ASTL: variants seen among roughly 807,000 people sequenced by gnomAD.
ASTL encodes astacin like metalloendopeptidase, also known as astacin-like metalloendopeptidase.
In ASTL, 27 loss-of-function variants were observed where a neutral mutation model predicts 36.7. The ratio of observed to expected loss-of-function variants is 0.73; its 90% CI spans 0.54 to 1.01. The LOEUF is 1.01. Among genes scored for constraint, ASTL ranks in the 50% least tolerant of loss-of-function variants. ASTL has a pLI of 0.00. For missense variants in ASTL, 524 were observed against 572.8 expected (o/e 0.91, Z 0.87); for synonymous variants, 222 against 228.1 (o/e 0.97, Z 0.24).
rs1682011753 is a variant in ASTL, at chr2:96,124,027, C to T, written c.1119G>A (p.Arg373=). 1.2e-6 allele frequency: 2 copies of T among 1,614,010 alleles called. No homozygotes were observed. Among genetic ancestry groups the T allele is most frequent in the Non-Finnish European group, 1.7e-6 (2 of 1,179,968 alleles). The change falls in exon 9 of 9, where the codon AGG becomes AGA. Residue 373 remains arginine, a synonymous_variant. Coordinates refer to ENST00000342380, the MANE Select transcript of ASTL (RefSeq NM_001002036.4). This position sits in a 1 kb window ranked among gnomAD's most constrained non-coding sequence, Gnocchi z 4.1. ...CAACACCGGGGGCACCTGCTCCAGG[C>T]CTTGATCTTGGGGAGGAAGCTAGGG... is the stretch of plus-strand genomic sequence containing the variant. The part of the protein sequence containing the change: ...PQTLASSPRS[R]PGAGAPGVAQ...
intron 8 of ASTL, among the ~76,000 whole-genome samples, chr2:96,125,261 A>G (rs1415328808): frequency 6.6e-6 from 1 of 152,012 alleles, no homozygotes; most frequent in African/African-American, 2.4e-5. Flanking sequence ...CACCTCTACC[A>G]GGTGTCTCCT....
At position 96,132,754 on chromosome 2, in the gene ASTL, C is replaced by T; in HGVS notation, c.456-33G>A. On this transcript the variant is annotated intron_variant, in intron 5 of 8. Transcript: ENST00000342380. This position sits in a 1 kb window ranked among gnomAD's most constrained non-coding sequence, Gnocchi z 5.4. ...GTGATGAGAGCAAGTGGGGTAAGTG[C>T]CAGCCCAGATCCCTCCGGACATACA... 1 of 1,586,206 alleles carries T rather than the reference C, an allele frequency of 6.3e-7. No individual in the cohort carries two copies. Among genetic ancestry groups the T allele is most frequent in the Non-Finnish European group, 8.6e-7 (1 of 1,159,854 alleles).
At position 96,133,982 on chromosome 2, in the gene ASTL, A is replaced by G. The variant is rs1337981625; in HGVS notation, c.320T>C (p.Leu107Pro). The G allele has an allele frequency of 6.2e-7, 1 of 1,613,480 alleles. No homozygotes were observed. The highest frequency in any genetic ancestry group is 8.5e-7 in the Non-Finnish European group (1 of 1,179,414). The stretch of plus-strand genomic sequence containing the variant: ...TCACTCACCGTACTTGCTGGAGAGC[A>G]GGAAGGGGACCTCCACGACACCACT... ...GGSGVVEVPF[L>P]LSSKYDEPSR... is the part of the protein sequence containing the mutation. Residue 107 changes from leucine to proline, a missense_variant, in exon 4 of 9, where the codon CTG (leucine) becomes CCG (proline). Leu to Pro is a moderately conservative substitution (Grantham distance 98, BLOSUM62 -3). Transcript: ENST00000342380.
In ASTL at chr2:96,124,263, C is replaced by A; in HGVS notation, c.883G>T (p.Ala295Ser). 6.6e-7 allele frequency: 1 copy of A among 1,507,584 alleles called. No homozygotes were observed. Among genetic ancestry groups the A allele is most frequent in the Middle Eastern group, 1.9e-4 (1 of 5,146 alleles). 93.4% of individuals were successfully genotyped at this position (1,507,584 alleles called of 1,614,324 possible). A position where few individuals can be genotyped will look rare whatever the true frequency, so the allele number is the denominator to read the frequency against. Residue 295 changes from alanine to serine, a missense_variant, in exon 9 of 9, where the codon GCC (alanine) becomes TCC (serine). Transcript: ENST00000342380. This position sits in a 1 kb window ranked among gnomAD's most constrained non-coding sequence, Gnocchi z 4.1. ...GCGGGGCTCCTACCAGTGCTGTGGG[C>A]ATGGGACCCTGCAACAGAAAAGACA... Reference protein sequence around the residue: ...GPRPRGRGSHAHSTGRSPAPA... With the variant: ...GPRPRGRGSHSHSTGRSPAPA...
At chr2:96,138,522 CCT>C (rs1682355265), upstream of ASTL, 1 of 1,162,576 alleles carries the variant, frequency 8.6e-7, no homozygotes, top group Non-Finnish European at 1.3e-6. Context: ...ACCACCACCC[CCT>C]CTTAAATAGC....
intron 1 of ASTL, 76 bp downstream of exon 1, chr2:96,138,306 A>C: frequency 7.3e-7 from 1 of 1,371,498 alleles, no homozygotes; most frequent in South Asian, 1.2e-5. Flanking sequence ...TGCAGGCTCC[A>C]GCCACAACCT....
chr2:96,134,737 G>A (rs1035053314), intron 3 of ASTL, among the ~76,000 whole-genome samples: 1 of 152,220 alleles, frequency 6.6e-6, no homozygotes, highest in South Asian at 2.1e-4. Context: ...GCCGTCAGTG[G>A]CAGCCTCCAA....
intron 4 of ASTL, 170 bp downstream of exon 4, chr2:96,133,795 C>T: frequency 1.5e-6 from 1 of 657,706 alleles, no homozygotes; most frequent in Non-Finnish European, 2.7e-6. Context: ...CAGATTTTAA[C>T]CCTCCCTACT....
Position 96,132,915 on chromosome 2 carries a change from G to A in ASTL, c.456-194C>T, listed in dbSNP as rs946007516. Among the ~76,000 whole-genome samples, 10 of 152,052 alleles carry A rather than the reference G, an allele frequency of 6.6e-5. No individual in the cohort carries two copies. The highest frequency in any genetic ancestry group is 1.9e-4 in the East Asian group (1 of 5,180). On this transcript the variant is annotated intron_variant, in intron 5 of 8. Coordinates refer to ENST00000342380, the MANE Select transcript of ASTL (RefSeq NM_001002036.4). The surrounding 1 kb of genome is among the most constrained non-coding windows in gnomAD (Gnocchi z 5.4). ...TGGACTTCTGTGAAATGGCCATACC[G>A]GACCCCCATCACCAGCCTGGGCTGC...
chr2:96,126,131 G>A (rs528362713), intron 8 of ASTL, among the ~76,000 whole-genome samples: 11 of 152,274 alleles, frequency 7.2e-5, no homozygotes, highest in African/African-American at 1.7e-4. Context: ...AGGCAAAGGC[G>A]TCATAGACAC....
At chr2:96,135,239 A>G in intron 3 of ASTL, 112 bp downstream of exon 3, 1 of 782,892 alleles carries the variant, frequency 1.3e-6, no homozygotes, top group South Asian at 1.6e-5. Flanking sequence ...GCATCTACCA[A>G]GCTATGTATG....
intron 1 of ASTL, 152 bp downstream of exon 1, chr2:96,138,230 G>A: frequency 1.4e-6 from 1 of 726,908 alleles, no homozygotes; most frequent in Non-Finnish European, 2.3e-6. Flanking sequence ...GGCCCCCCAG[G>A]AGCTGACTTC....
chr2:96,134,763 T>C lies in ASTL; in HGVS notation c.243+588A>G, dbSNP rs546310754. Among the ~76,000 whole-genome samples the C allele has an allele frequency of 3.3e-5, 5 of 152,344 alleles. No individual in the cohort carries two copies. The East Asian group carries it at 9.6e-4, about 29-fold the overall frequency. On this transcript the variant is annotated intron_variant, in intron 3 of 8. Coordinates refer to ENST00000342380, the MANE Select transcript of ASTL (RefSeq NM_001002036.4). ...CAGCCTCCAACAGGACAGTCTTGCCTTCCCCTGGGTCACTGTCCTATTCAG... is the reference window on the plus strand; with the variant it reads ...CAGCCTCCAACAGGACAGTCTTGCCCTCCCCTGGGTCACTGTCCTATTCAG...
chr2:96,137,261 A>G (rs973944362), intron 2 of ASTL, among the ~76,000 whole-genome samples: 1 of 152,218 alleles, frequency 6.6e-6, no homozygotes, highest in Non-Finnish European at 1.5e-5. Context: ...GGTTTTTCTT[A>G]TAAAAGTAAC....
In ASTL at chr2:96,130,054, G is replaced by A. The variant is rs879250506; in HGVS notation, c.719+10C>T. The A allele has an allele frequency of 6.2e-7, 1 of 1,613,652 alleles. No individual in the cohort carries two copies. Among genetic ancestry groups the A allele is most frequent in the Non-Finnish European group, 8.5e-7 (1 of 1,179,516 alleles). On this transcript the variant is annotated intron_variant, in intron 7 of 8. Transcript: ENST00000342380. Reference sequence around the variant, plus strand: ...GGGGAAGCAGAGGGAGAAGAAGGCAGGGTCCTCACCTCCCATAGTGCATCA... The same window carrying A: ...GGGGAAGCAGAGGGAGAAGAAGGCAAGGTCCTCACCTCCCATAGTGCATCA...
chr2:96,133,770 G>T, intron 4 of ASTL, 195 bp downstream of exon 4: 1 of 646,398 alleles, frequency 1.5e-6, no homozygotes. Context: ...ATCCCCACTC[G>T]ACATACCTTC....
chr2:96,132,441 G>A lies in ASTL; in HGVS notation c.637+99C>T. 1.8e-6 allele frequency: 2 copies of A among 1,096,436 alleles called. No individual in the cohort carries two copies. Among genetic ancestry groups the A allele is most frequent in the South Asian group, 1.7e-5 (1 of 60,586 alleles). 67.9% of individuals were successfully genotyped at this position (1,096,436 alleles called of 1,614,324 possible). A position where few individuals can be genotyped will look rare whatever the true frequency, so the allele number is the denominator to read the frequency against. On this transcript the variant is annotated intron_variant, in intron 6 of 8. Coordinates refer to ENST00000342380, the MANE Select transcript of ASTL (RefSeq NM_001002036.4). This position sits in a 1 kb window ranked among gnomAD's most constrained non-coding sequence, Gnocchi z 5.4. Reference sequence around the variant, plus strand: ...CCACAGGAAGCAGGCAGGTGATGGGGAGGATGGATAGCCTCACCCATGGGG... The same window carrying A: ...CCACAGGAAGCAGGCAGGTGATGGGAAGGATGGATAGCCTCACCCATGGGG...
intron 8 of ASTL, among the ~76,000 whole-genome samples, chr2:96,129,396 A>G (rs968069925): frequency 1.3e-5 from 2 of 152,122 alleles, no homozygotes; most frequent in Admixed American, 6.5e-5. Flanking sequence ...TGTTGCTTTC[A>G]ATACAGGTAA....
intron 2 of ASTL, among the ~76,000 whole-genome samples, chr2:96,137,229 C>A (rs963378972): frequency 1.1e-4 from 16 of 152,236 alleles, no homozygotes; most frequent in African/African-American, 3.9e-4. Flanking sequence ...CTTAGCTCCA[C>A]GCCCAGGCCC....
Sources: gnomAD v4.1 joint callset for allele counts (sites outside exome capture counted in the v4.1 genomes callset) on GRCh38, gnomAD v4.1.1 for gene constraint, Gnocchi (gnomAD v3.1) non-coding constraint, MANE v1.5 for transcripts, NCBI Gene and HGNC (gene_info 2026-07-23, HGNC 2026-07-21) for gene names.